The following CHMP4C variants were observed in gnomAD, a reference collection of about 807,000 sequenced individuals.
CHMP4C encodes charged multivesicular body protein 4C.
In CHMP4C, 28 loss-of-function variants were observed where a neutral mutation model predicts 29.0. The ratio of observed to expected loss-of-function variants is 0.97; its 90% CI spans 0.72 to 1.32. The LOEUF is 1.32. CHMP4C is among the 40% of genes most tolerant of loss of function. The probability of loss-of-function intolerance (pLI) is 0.00; values close to 1 mark genes in which losing one functional copy is unlikely to be tolerated. For missense variants in CHMP4C, 291 were observed against 281.0 expected (o/e 1.04, Z -0.25); for synonymous variants, 106 against 102.4 (o/e 1.04, Z -0.21).
At position 81,758,240 on chromosome 8, in the gene CHMP4C, A is replaced by T. The variant is rs371770660; in HGVS notation, c.582A>T (p.Pro194=). 1 of 1,613,924 alleles carries T rather than the reference A, an allele frequency of 6.2e-7. No individual in the cohort carries two copies. Among genetic ancestry groups the T allele is most frequent in the Non-Finnish European group, 8.5e-7 (1 of 1,179,950 alleles). The change falls in exon 4 of 5, where the codon CCA becomes CCT. Residue 194 remains proline (P), a synonymous_variant. Transcript: ENST00000297265. ...RLPNVPSSSL[P]AQPNRKPGMS... Reference sequence around the variant, plus strand: ...CAAATGTGCCTTCCTCTTCTCTCCCAGCACAGCCAAATAGAAAACCAGGCA... The same window carrying T: ...CAAATGTGCCTTCCTCTTCTCTCCCTGCACAGCCAAATAGAAAACCAGGCA...
In CHMP4C at chr8:81,753,181, C is replaced by A. The variant is rs778920593; in HGVS notation, c.308C>A (p.Thr103Asn). 8.7e-6 allele frequency: 14 copies of A among 1,611,912 alleles called. No homozygotes were observed. The highest frequency in any genetic ancestry group is 8.5e-6 in the Non-Finnish European group (10 of 1,178,810). The stretch of plus-strand genomic sequence containing the variant: ...GCCCTGGAGAACTCACACACCAACA[C>A]TGAGGTGTTGAGGAACATGGGCTTT... ...REALENSHTNTEVLRNMGFAA... is the reference protein window; with the variant it reads ...REALENSHTNNEVLRNMGFAA... The change falls in exon 2 of 5, where the codon ACT (threonine) becomes AAT (asparagine). Residue 103 changes from threonine (T) to asparagine (N), a missense_variant. Physicochemically the swap from Thr to Asn is moderately conservative, Grantham distance 65. Coordinates refer to ENST00000297265, the MANE Select transcript of CHMP4C (RefSeq NM_152284.4).
At chr8:81,734,049 T>A (rs1432187951) in intron 1 of CHMP4C, among the ~76,000 whole-genome samples, 2 of 152,244 alleles carry the variant, frequency 1.3e-5, no homozygotes, top group African/African-American at 4.8e-5. Flanking sequence ...ATATAACTTT[T>A]GTGCATATTA....
At chr8:81,739,647 C>A (rs1808739529) in intron 1 of CHMP4C, among the ~76,000 whole-genome samples, 2 of 152,208 alleles carry the variant, frequency 1.3e-5, no homozygotes, top group Non-Finnish European at 1.5e-5. Context: ...GCCCTGGGAA[C>A]CCTCTTCACT....
intron 1 of CHMP4C, among the ~76,000 whole-genome samples, chr8:81,735,511 G>A (rs1205062759): frequency 1.3e-5 from 2 of 152,236 alleles, no homozygotes; most frequent in Non-Finnish European, 2.9e-5. Flanking sequence ...CTACTAAATG[G>A]CCCCTGTGTG....
At chr8:81,744,382 T>C (rs1409172247) in intron 1 of CHMP4C, among the ~76,000 whole-genome samples, 1 of 152,214 alleles carries the variant, frequency 6.6e-6, no homozygotes, top group Non-Finnish European at 1.5e-5. Context: ...TCATTCATGT[T>C]CTTTATTTAT....
intron 3 of CHMP4C, 90 bp from the exon 4 acceptor site, chr8:81,758,052 A>G (rs1585949218): frequency 9.2e-6 from 11 of 1,191,310 alleles, no homozygotes; most frequent in South Asian, 1.4e-5. Context: ...TCACATATCA[A>G]TTGGGTAGCA....
At chr8:81,758,331 G>C in intron 4 of CHMP4C, 36 bp downstream of exon 4, 1 of 1,610,378 alleles carries the variant, frequency 6.2e-7, no homozygotes, top group Non-Finnish European at 8.5e-7. Flanking sequence ...TGGTCAGATA[G>C]TTGCCTAAAA....
intron 1 of CHMP4C, among the ~76,000 whole-genome samples, chr8:81,744,950 T>C (rs1272141623): frequency 6.6e-6 from 1 of 152,182 alleles, no homozygotes; most frequent in African/African-American, 2.4e-5. Flanking sequence ...TCTGGCCAAA[T>C]GCGTGTTAAA....
At position 81,755,498 on chromosome 8, in the gene CHMP4C, T is replaced by C. The variant is rs76125135; in HGVS notation, c.483+14T>C. Reference sequence around the variant, plus strand: ...GACTTTGATGAGGTACGTAACCCAATATGAAGAATGCAGGATTGTGGCTGC... The same window carrying C: ...GACTTTGATGAGGTACGTAACCCAACATGAAGAATGCAGGATTGTGGCTGC... On this transcript the variant is annotated intron_variant, in intron 3 of 4. Coordinates refer to ENST00000297265, the MANE Select transcript of CHMP4C (RefSeq NM_152284.4). 3,181 of 1,475,764 alleles carry C rather than the reference T, an allele frequency of 2.2e-3. 62 individuals are homozygous for C. In the African/African-American group the frequency reaches 0.039, roughly 18 times the overall value. The allele number at this position is 1,475,764 out of a possible 1,614,324, so 91.4% of individuals were successfully genotyped here. A position where few individuals can be genotyped will look rare whatever the true frequency, so the allele number is the denominator to read the frequency against.
At chr8:81,752,671 G>A (rs1237057548) in intron 1 of CHMP4C, among the ~76,000 whole-genome samples, 3 of 152,012 alleles carry the variant, frequency 2.0e-5, no homozygotes, top group African/African-American at 7.2e-5. Flanking sequence ...AAGAAAATGG[G>A]GCTAGAATCA....
chr8:81,750,296 C>T (rs762294559), intron 1 of CHMP4C, among the ~76,000 whole-genome samples: 1 of 151,976 alleles, frequency 6.6e-6, no homozygotes, highest in South Asian at 2.1e-4. Context: ...TCTCCCAGAA[C>T]ATAGATCAAA....
At chr8:81,754,385 ATATTCAG>A in intron 2 of CHMP4C, among the ~76,000 whole-genome samples, 1 of 152,256 alleles carries the variant, frequency 6.6e-6, no homozygotes, top group Non-Finnish European at 1.5e-5. Context: ...TATTTGTTTT[ATATTCAG>A]TATAAATAGA....
chr8:81,756,506 T>G (rs1482165469), intron 3 of CHMP4C, among the ~76,000 whole-genome samples: 1 of 152,188 alleles, frequency 6.6e-6, no homozygotes, highest in Non-Finnish European at 1.5e-5. Context: ...GCTCTATCAT[T>G]TGTTAAAAAC....
At chr8:81,746,027 G>C (rs1030339498) in intron 1 of CHMP4C, among the ~76,000 whole-genome samples, 2 of 152,138 alleles carry the variant, frequency 1.3e-5, no homozygotes, top group Non-Finnish European at 2.9e-5. Flanking sequence ...TAGGGAACAA[G>C]GTTAAGGCCT....
intron 1 of CHMP4C, among the ~76,000 whole-genome samples, chr8:81,750,544 G>A (rs1212046885): frequency 2.0e-5 from 3 of 152,174 alleles, no homozygotes; most frequent in Middle Eastern, 3.4e-3. Flanking sequence ...GTTCAAGGCT[G>A]CAGTGAGCTG....
chr8:81,755,634 T>G (rs994965499), intron 3 of CHMP4C, 150 bp downstream of exon 3: 3 of 495,650 alleles, frequency 6.1e-6, no homozygotes, highest in South Asian at 3.5e-5. Context: ...AAAGTGTTAG[T>G]ACCTCTGATT....
chr8:81,744,427 G>A (rs1007759429), intron 1 of CHMP4C, among the ~76,000 whole-genome samples: 1 of 152,006 alleles, frequency 6.6e-6, no homozygotes, highest in Admixed American at 6.6e-5. Context: ...CAGTCACTGG[G>A]GACTTTATCT....
Position 81,732,573 on chromosome 8 carries a change from C to T in CHMP4C, c.-54C>T, listed in dbSNP as rs1368353596. ...GCTCACCTGTCCCCTCGGCGCGGCC[C>T]CGGGGAGCTCCCGAGAGGCCCCCGG... On this transcript the variant is annotated 5_prime_UTR_variant, in exon 1 of 5. Coordinates refer to ENST00000297265, the MANE Select transcript of CHMP4C (RefSeq NM_152284.4). 35 of 1,418,288 alleles carry T rather than the reference C, an allele frequency of 2.5e-5. No individual in the cohort carries two copies. Among genetic ancestry groups the T allele is most frequent in the Non-Finnish European group, 3.2e-5 (34 of 1,055,632 alleles). 87.9% of individuals were successfully genotyped at this position (1,418,288 alleles called of 1,614,324 possible).
rs564952493 is a variant in CHMP4C at position 81,739,424 on chromosome 8, G to GGT, written c.190+6609_190+6610insTG. On this transcript the variant is annotated intron_variant, in intron 1 of 4. Transcript: ENST00000297265. ...TCTAAGGCCTGGGGGATTGTGGGGG[G>GGT]GGGTGGAAAAAAAAAAAGTCTTATC... Among the ~76,000 whole-genome samples the GGT allele has an allele frequency of 7.0e-4, 98 of 140,308 alleles. 1 individual carries two copies. Among genetic ancestry groups the GGT allele is most frequent in the African/African-American group, 2.4e-3 (94 of 38,556 alleles). The allele number at this position is 140,308 out of a possible 152,430, so 92.0% of individuals were successfully genotyped here. A position where few individuals can be genotyped will look rare whatever the true frequency, so the allele number is the denominator to read the frequency against.
Sources: allele counts gnomAD v4.1 joint callset (sites outside exome capture counted in the v4.1 genomes callset), GRCh38; gene constraint gnomAD v4.1.1; transcripts MANE v1.5; gene names NCBI Gene and HGNC (gene_info 2026-07-23, HGNC 2026-07-21).